The following PLAT variants were observed in gnomAD, a reference collection of about 807,000 sequenced individuals.
PLAT encodes tissue-type plasminogen activator.
In PLAT, 48 loss-of-function variants were observed where a neutral mutation model predicts 74.9. The ratio of observed to expected loss-of-function variants is 0.64; its 90% confidence interval spans 0.51 to 0.82. The LOEUF is 0.82. Among genes scored for constraint, PLAT ranks in the 40% least tolerant of loss-of-function variants. The probability of loss-of-function intolerance (pLI) is 0.00; values close to 1 mark genes in which losing one functional copy is unlikely to be tolerated. For missense variants in PLAT, 673 were observed against 736.2 expected (o/e 0.91, Z 0.99); for synonymous variants, 307 against 294.4 (o/e 1.04, Z -0.44).
At chr8:42,207,088 C>T (rs1174891942) in intron 1 of PLAT, among the ~76,000 whole-genome samples, 2 of 152,210 alleles carry the variant, frequency 1.3e-5, no homozygotes, top group African/African-American at 2.4e-5. Flanking sequence ...CTAGGGGACC[C>T]AGCGGGCCCT....
At chr8:42,178,815 T>C (rs1289182430) in intron 13 of PLAT, 82 bp downstream of exon 13, 8 of 1,375,640 alleles carry the variant, frequency 5.8e-6, no homozygotes, top group Admixed American at 2.0e-5. Context: ...GGTGATAACT[T>C]TTTTCTTTGG....
Position 42,180,530 on chromosome 8 carries a change from A to C in PLAT, c.1045T>G (p.Ser349Ala), listed in dbSNP as rs749841798. The C allele has an allele frequency of 6.2e-7, 1 of 1,614,138 alleles. No homozygotes were observed. Among genetic ancestry groups the C allele is most frequent in the East Asian group, 2.2e-5 (1 of 44,882 alleles). ...TGGGCGGCAGAGAGAATCCAGCAGG[A>C]GCTGATGAGTATGCCCCCGCACAGG... ...RFLCGGILIS[S>A]CWILSAAHCF... The change falls in exon 10 of 14, where the codon TCC (serine) becomes GCC (alanine). Residue 349 changes from serine to alanine, a missense_variant. Transcript: ENST00000220809.
intron 8 of PLAT, chr8:42,182,300 A>G: frequency 5.3e-6 from 2 of 380,100 alleles, no homozygotes; most frequent in Non-Finnish European, 9.9e-6. Context: ...GGGAGGGAGG[A>G]CACCGAGTTC....
intron 1 of PLAT, among the ~76,000 whole-genome samples, chr8:42,198,974 A>G: frequency 6.6e-6 from 1 of 152,212 alleles, no homozygotes; most frequent in East Asian, 1.9e-4. Context: ...CTAGAGCAGG[A>G]CGAGAGCTGA....
In PLAT at chr8:42,185,152, T is replaced by G. The variant is rs1354770796; in HGVS notation, c.560A>C (p.Lys187Thr). The G allele has an allele frequency of 1.2e-6, 2 of 1,611,834 alleles. No individual in the cohort carries two copies. Among genetic ancestry groups the G allele is most frequent in the Non-Finnish European group, 1.7e-6 (2 of 1,179,012 alleles). Residue 187 changes from lysine (K) to threonine (T), a missense_variant, in exon 7 of 14, where the codon AAG becomes ACG. By Grantham distance (78) the Lys-to-Thr change is moderately conservative. Transcript: ENST00000220809. ...NYCRNPDRDS[K>T]PWCYVFKAGK... is the part of the protein sequence containing the mutation. ...CGCCTTAAAGACGTAGCACCAGGGC[T>G]TTGAGTCTCGATCTGGGTTTCTGAA...
Position 42,181,924 on chromosome 8 carries a change from G to T in PLAT, c.889+13C>A, listed in dbSNP as rs201571243. 74 of 1,566,162 alleles carry T rather than the reference G, an allele frequency of 4.7e-5. No individual in the cohort carries two copies. The East Asian group carries it at 1.6e-3, about 34-fold the overall frequency. On this transcript the variant is annotated intron_variant, in intron 9 of 13. Coordinates refer to ENST00000220809, the MANE Select transcript of PLAT (RefSeq NM_000930.5). Reference sequence around the variant, plus strand: ...GACCAGGTGCAGGGAGGCAGCCGGGGCCCAGCCCTTACAGCAGGAGGGCAC... The same window carrying T: ...GACCAGGTGCAGGGAGGCAGCCGGGTCCCAGCCCTTACAGCAGGAGGGCAC...
chr8:42,195,955 G>A (rs567238048), intron 1 of PLAT, among the ~76,000 whole-genome samples: 8 of 152,276 alleles, frequency 5.3e-5, no homozygotes, highest in African/African-American at 1.9e-4. Flanking sequence ...CAGCCCTCTC[G>A]ATAGGCTCCT....
chr8:42,179,933 A>G lies in PLAT; in HGVS notation c.1356T>C (p.His452=). 4 of 1,597,892 alleles carry G rather than the reference A, an allele frequency of 2.5e-6. No individual in the cohort carries two copies. Among genetic ancestry groups the G allele is most frequent in the Non-Finnish European group, 3.4e-6 (4 of 1,170,438 alleles). Residue 452 remains histidine (H), a synonymous_variant, in exon 12 of 14, where the codon CAT becomes CAC. Transcript: ENST00000220809. ...TECELSGYGK[H]EALSPFYSER... is the part of the protein sequence containing the mutation. ...AGACTTCCTTCCACTTACAGGCCTC[A>G]TGCTTGCCGTAGCCGGAGAGCTCAC...
intron 1 of PLAT, among the ~76,000 whole-genome samples, chr8:42,204,055 G>C (rs1806244425): frequency 6.7e-6 from 1 of 149,934 alleles, no homozygotes; most frequent in South Asian, 2.1e-4. Flanking sequence ...CTAAGAGAAT[G>C]TGCTGTCTTT....
At chr8:42,189,668 G>C (rs951146351) in intron 3 of PLAT, among the ~76,000 whole-genome samples, 2 of 149,800 alleles carry the variant, frequency 1.3e-5, no homozygotes, top group Non-Finnish European at 3.0e-5. Context: ...GCACAATCTC[G>C]GCTCACTGCA....
Position 42,176,013 on chromosome 8 carries a change from G to A in PLAT, c.1669C>T (p.Arg557Cys), listed in dbSNP as rs781175247. 19 of 1,613,996 alleles carry A rather than the reference G, an allele frequency of 1.2e-5. No homozygotes were observed. Among genetic ancestry groups the A allele is most frequent in the South Asian group, 3.3e-5 (3 of 91,076 alleles). Residue 557 changes from arginine (R) to cysteine (C), a missense_variant, in exon 14 of 14, where the codon CGT becomes TGT. Arg to Cys is a radical substitution (Grantham distance 180). Coordinates refer to ENST00000220809, the MANE Select transcript of PLAT (RefSeq NM_000930.5). The stretch of plus-strand genomic sequence containing the variant: ...CCTGGTCACGGTCGCATGTTGTCAC[G>A]AATCCAGTCTAGGTAGTTGGTAACC... ...TKVTNYLDWI[R>C]DNMRP
rs781324112 is a variant in PLAT at position 42,175,976 on chromosome 8, G to T, written c.*17C>A. On this transcript the variant is annotated 3_prime_UTR_variant, in exon 14 of 14. Coordinates refer to ENST00000220809, the MANE Select transcript of PLAT (RefSeq NM_000930.5). ...AGGCGGGATCTCATTTGCTTTTGAG[G>T]AGTCGGGTGTTCCTGGTCACGGTCG... The T allele has an allele frequency of 1.9e-6, 3 of 1,612,984 alleles. No homozygotes were observed. Among genetic ancestry groups the T allele is most frequent in the Admixed American group, 1.7e-5 (1 of 59,966 alleles).
Position 42,187,561 on chromosome 8 carries a change from T to C in PLAT, c.376A>G (p.Thr126Ala). The change falls in exon 6 of 14, where the codon ACG becomes GCG. Residue 126 changes from threonine to alanine, a missense_variant. By Grantham distance (58) the Thr-to-Ala change is moderately conservative. Coordinates refer to ENST00000220809, the MANE Select transcript of PLAT (RefSeq NM_000930.5). ...GKCCEIDTRA[T>A]CYEDQGISYR... ...CTGATGCCCTGGTCCTCGTAGCACG[T>C]GGCCCTGGTATCTGACAGAGAGCAG... The C allele has an allele frequency of 6.3e-7, 1 of 1,598,594 alleles. No individual in the cohort carries two copies. Among genetic ancestry groups the C allele is most frequent in the Non-Finnish European group, 8.5e-7 (1 of 1,170,344 alleles).
rs541552746 is a variant in PLAT, at chr8:42,174,864, A to C, written c.*1129T>G. Among the ~76,000 whole-genome samples, 4 of 152,056 alleles carry C rather than the reference A, an allele frequency of 2.6e-5. No homozygotes were observed. The South Asian group carries it at 8.3e-4, about 32-fold the overall frequency. The stretch of plus-strand genomic sequence containing the variant: ...CCCTCTCTTGGCCCTCTACATATTC[A>C]TACCTCCATGGAGAGTGCCTTTTCC... On this transcript the variant is annotated 3_prime_UTR_variant, in exon 14 of 14. Coordinates refer to ENST00000220809, the MANE Select transcript of PLAT (RefSeq NM_000930.5).
intron 9 of PLAT, among the ~76,000 whole-genome samples, chr8:42,181,126 C>A (rs1389761490): frequency 6.6e-6 from 1 of 152,228 alleles, no homozygotes; most frequent in Non-Finnish European, 1.5e-5. Context: ...CTGCTCAGCT[C>A]TGAGGAGCTT....
intron 13 of PLAT, 41 bp downstream of exon 13, chr8:42,178,856 C>G (rs753938978): frequency 1.2e-6 from 2 of 1,600,320 alleles, no homozygotes; most frequent in East Asian, 4.5e-5. Context: ...GGGCATTCTC[C>G]CCTGGGTTGT....
rs1397665499 is a variant in PLAT at position 42,189,028 on chromosome 8, A to C, written c.159T>G (p.His53Gln). 6.2e-7 allele frequency: 1 copy of C among 1,613,882 alleles called. No homozygotes were observed. The highest frequency in any genetic ancestry group is 1.3e-5 in the African/African-American group (1 of 74,924). Residue 53 changes from histidine (H) to glutamine (Q), a missense_variant, in exon 4 of 14, where the codon CAT (histidine) becomes CAG (glutamine). His to Gln is a conservative substitution (Grantham distance 24). Coordinates refer to ENST00000220809, the MANE Select transcript of PLAT (RefSeq NM_000930.5). ...DEKTQMIYQQ[H>Q]QSWLRPVLRS... is the part of the protein sequence containing the mutation. The stretch of plus-strand genomic sequence containing the variant: ...TGAGCACAGGGCGCAGCCATGACTG[A>C]TGTTGCTGGTATATCATCTGCGTTT...
At chr8:42,188,237 C>G (rs1805560117) in intron 4 of PLAT, 1 of 466,882 alleles carries the variant, frequency 2.1e-6, no homozygotes, top group African/African-American at 2.0e-5. Flanking sequence ...AAGTGTTGTT[C>G]AAGGGTCCCC....
At chr8:42,203,988 TATATACAC>T (rs1314940870) in intron 1 of PLAT, among the ~76,000 whole-genome samples, 2 of 123,280 alleles carry the variant, frequency 1.6e-5, no homozygotes, top group Admixed American at 7.5e-5. Context: ...TATATATATA[TATATACAC>T]ACACACACAC....
Sources: gnomAD v4.1 joint callset for allele counts (sites outside exome capture counted in the v4.1 genomes callset) on GRCh38, gnomAD v4.1.1 for gene constraint, MANE v1.5 for transcripts, NCBI Gene and HGNC (gene_info 2026-07-23, HGNC 2026-07-21) for gene names.